WNT7A: variants seen among roughly 807,000 people sequenced by gnomAD.
The protein encoded by WNT7A is protein Wnt-7a.
WNT7A carries 16 observed loss-of-function variants against 28.2 expected under a neutral mutation model. The ratio of observed to expected loss-of-function variants is 0.57; its 90% confidence interval spans 0.38 to 0.86. WNT7A has a LOEUF of 0.86. WNT7A is among the 40% of genes least tolerant of loss of function. The pLI is 0.00. For missense variants in WNT7A, 411 were observed against 489.7 expected (o/e 0.84, Z 1.52); for synonymous variants, 190 against 195.9 (o/e 0.97, Z 0.25).
Position 13,879,941 on chromosome 3 carries a change from G to T in WNT7A, c.-125C>A, listed in dbSNP as rs537563009. 1.7e-3 allele frequency: 1,179 copies of T among 686,252 alleles called. 2 individuals are homozygous for T. Among genetic ancestry groups the T allele is most frequent in the Non-Finnish European group, 2.3e-3 (1,079 of 478,456 alleles). 42.5% of individuals were successfully genotyped at this position (686,252 alleles called of 1,614,324 possible). On this transcript the variant is annotated 5_prime_UTR_variant, in exon 1 of 4. Coordinates refer to ENST00000285018, the MANE Select transcript of WNT7A (RefSeq NM_004625.4). ...GAGGCGTCCCCGGGGCCGTCTGTCG[G>T]TGCGCCCGTCCGCGCGCTCCGCGCC... is the stretch of plus-strand genomic sequence containing the variant.
chr3:13,825,493 G>A (rs1694179155), intron 3 of WNT7A, among the ~76,000 whole-genome samples: 2 of 152,188 alleles, frequency 1.3e-5, no homozygotes, highest in Non-Finnish European at 2.9e-5. Context: ...GTTACGTAGT[G>A]TTTCCCAATT....
At chr3:13,829,575 G>A (rs1420313368) in intron 3 of WNT7A, among the ~76,000 whole-genome samples, 2 of 152,174 alleles carry the variant, frequency 1.3e-5, no homozygotes, top group African/African-American at 4.8e-5. Context: ...AGGAGCCATC[G>A]GATGGAGGTC....
At chr3:13,868,690 G>A (rs200622793) in intron 2 of WNT7A, among the ~76,000 whole-genome samples, 7 of 19,766 alleles carry the variant, frequency 3.5e-4, no homozygotes, top group Non-Finnish European at 6.8e-4. Context: ...GAGAGAGAGA[G>A]AGAAAGAAAG....
chr3:13,868,574 G>A (rs1575073972), intron 2 of WNT7A, among the ~76,000 whole-genome samples: 3 of 19,178 alleles, frequency 1.6e-4, no homozygotes, highest in Non-Finnish European at 2.6e-4. Context: ...GAGAGAGAGA[G>A]AGAGAGAGAG....
chr3:13,838,432 C>T (rs1267064067), intron 3 of WNT7A, among the ~76,000 whole-genome samples: 2 of 152,218 alleles, frequency 1.3e-5, no homozygotes, highest in South Asian at 2.1e-4. Context: ...GTTTTAAAGT[C>T]CCTTCTTCAA....
chr3:13,875,907 G>A (rs1695104093), intron 1 of WNT7A: 2 of 152,746 alleles, frequency 1.3e-5, no homozygotes, highest in Admixed American at 6.5e-5. Flanking sequence ...CACGTACCAT[G>A]CTAGGAGACA....
chr3:13,833,458 G>C (rs1016237246), intron 3 of WNT7A, among the ~76,000 whole-genome samples: 2 of 152,344 alleles, frequency 1.3e-5, no homozygotes, highest in South Asian at 4.1e-4. Flanking sequence ...GGGGGGCCTG[G>C]GGCCAGGTCT....
At chr3:13,849,828 C>A (rs527939641) in intron 3 of WNT7A, among the ~76,000 whole-genome samples, 37 of 152,318 alleles carry the variant, frequency 2.4e-4, no homozygotes, top group Admixed American at 9.1e-4. Flanking sequence ...ACAGAGAAAG[C>A]GGCCTGTGCA....
At chr3:13,871,192 A>T (rs2124876907) in intron 2 of WNT7A, among the ~76,000 whole-genome samples, 1 of 152,310 alleles carries the variant, frequency 6.6e-6, no homozygotes. Context: ...CTTTAAAGGC[A>T]GACAATGGGT....
At chr3:13,856,893 A>AAAAAGAAGAAGAAGAAGAAAAAGAAGAAG (rs1559303190) in intron 2 of WNT7A, among the ~76,000 whole-genome samples, 1 of 73,356 alleles carries the variant, frequency 1.4e-5, no homozygotes, top group Non-Finnish European at 2.6e-5. Context: ...AGAAGAAGAA[A>AAAAAGAAGAAGAAGAAGAAAAAGAAGAAG]AAGAAGAAGA....
intron 2 of WNT7A, among the ~76,000 whole-genome samples, chr3:13,867,273 C>T (rs1694926120): frequency 6.6e-6 from 1 of 152,116 alleles, no homozygotes; most frequent in African/African-American, 2.4e-5. Flanking sequence ...GGATGCAAAC[C>T]CGGCCATGTG....
At chr3:13,832,698 C>T (rs1389031841) in intron 3 of WNT7A, among the ~76,000 whole-genome samples, 12 of 151,442 alleles carry the variant, frequency 7.9e-5, no homozygotes, top group Admixed American at 7.9e-4. Flanking sequence ...CTTTTTGGTG[C>T]ATTCTTTAAG....
chr3:13,841,014 T>A (rs1179071368), intron 3 of WNT7A, among the ~76,000 whole-genome samples: 1 of 152,136 alleles, frequency 6.6e-6, no homozygotes. Context: ...GTAATCCCCC[T>A]CAAATTCAAA....
At chr3:13,868,352 G>T (rs1411951633) in intron 2 of WNT7A, among the ~76,000 whole-genome samples, 1 of 151,860 alleles carries the variant, frequency 6.6e-6, no homozygotes, top group Non-Finnish European at 1.5e-5. Flanking sequence ...AATTAGCCAG[G>T]TGAGGTGGTG....
At chr3:13,823,368 G>A (rs185256192) in intron 3 of WNT7A, among the ~76,000 whole-genome samples, 68 of 152,278 alleles carry the variant, frequency 4.5e-4, no homozygotes, top group Admixed American at 1.2e-3. Context: ...GCATACAGCC[G>A]GTGCGCAGAA....
intron 2 of WNT7A, among the ~76,000 whole-genome samples, chr3:13,860,310 C>T (rs1313584990): frequency 2.0e-5 from 3 of 152,190 alleles, no homozygotes; most frequent in South Asian, 4.2e-4. Context: ...CTTCCTCAGC[C>T]CCACCCCAGC....
In WNT7A at chr3:13,845,341, A is replaced by G. The variant is rs1008564554; in HGVS notation, c.570+9191T>C. On this transcript the variant is annotated intron_variant, in intron 3 of 3. Transcript: ENST00000285018. ...CAACAGACCTTCCTGCCACCACGGA[A>G]TGGTCTAGTAGGAAGCCACGAGCCA... 3.9e-5 allele frequency among the ~76,000 whole-genome samples: 6 copies of G among 152,326 alleles called. No homozygotes were observed. In the East Asian group the frequency reaches 9.6e-4, roughly 24 times the overall value.
chr3:13,878,819 C>T lies in WNT7A; in HGVS notation c.71+927G>A, dbSNP rs534425137. On this transcript the variant is annotated intron_variant, in intron 1 of 3. Coordinates refer to ENST00000285018, the MANE Select transcript of WNT7A (RefSeq NM_004625.4). Reference sequence around the variant, plus strand: ...AACCTCTATCCATGCCCAGATCCCCCCGCCCCCACACCGCTCCGAGCCTCA... The same window carrying T: ...AACCTCTATCCATGCCCAGATCCCCTCGCCCCCACACCGCTCCGAGCCTCA... 3.3e-5 allele frequency among the ~76,000 whole-genome samples: 5 copies of T among 152,252 alleles called. No homozygotes were observed. The East Asian group carries it at 9.7e-4, about 29-fold the overall frequency.
chr3:13,847,438 G>A (rs1694557394), intron 3 of WNT7A, among the ~76,000 whole-genome samples: 1 of 152,138 alleles, frequency 6.6e-6, no homozygotes, highest in African/African-American at 2.4e-5. Context: ...TGGCTTTGGC[G>A]GGGCCCCTCC....
Sources: allele counts gnomAD v4.1 joint callset (sites outside exome capture counted in the v4.1 genomes callset), GRCh38; gene constraint gnomAD v4.1.1; transcripts MANE v1.5; gene names NCBI Gene and HGNC (gene_info 2026-07-23, HGNC 2026-07-21).